CPXM2: variants seen among roughly 807,000 people sequenced by gnomAD.
CPXM2 encodes the protein inactive carboxypeptidase-like protein X2.
CPXM2 carries 66 observed loss-of-function variants against 86.1 expected under a neutral mutation model. The observed-to-expected ratio is 0.77, with a 90% CI of 0.63 to 0.94. CPXM2 has a LOEUF of 0.94. CPXM2 is among the 40% of genes least tolerant of loss of function. CPXM2 has a pLI of 0.00. For synonymous variants in CPXM2, 388 were observed against 400.2 expected, an observed-to-expected ratio of 0.97 and a Z score of 0.36; for missense variants, 948 against 1,026.3, an observed-to-expected ratio of 0.92 and a Z score of 1.04.
chr10:123,813,937 A>G (rs1847749803), intron 4 of CPXM2, among the ~76,000 whole-genome samples: 1 of 152,240 alleles, frequency 6.6e-6, no homozygotes, highest in Non-Finnish European at 1.5e-5. Context: ...CCTTGGCCAC[A>G]GTGGAATACC....
intron 7 of CPXM2, among the ~76,000 whole-genome samples, chr10:123,773,098 G>A (rs117472226): frequency 0.017 from 2,609 of 151,362 alleles, 38 homozygotes; most frequent in Non-Finnish European, 0.027. Context: ...CTCTCTGGTT[G>A]TGGTTCTTAT....
chr10:123,833,722 C>A (rs976349900), intron 4 of CPXM2, among the ~76,000 whole-genome samples: 51 of 152,232 alleles, frequency 3.4e-4, no homozygotes, highest in African/African-American at 1.2e-3. Context: ...CCGGTGGCAA[C>A]TGCCTCCCAG....
chr10:123,886,911 G>A (rs1364191872), intron 1 of CPXM2: 1 of 152,120 alleles, frequency 6.6e-6, no homozygotes, highest in African/African-American at 2.4e-5. Context: ...ATTTGAAGAT[G>A]GCATGGAAAG....
intron 6 of CPXM2, among the ~76,000 whole-genome samples, chr10:123,787,177 G>A (rs897001072): frequency 6.6e-6 from 1 of 152,156 alleles, no homozygotes; most frequent in African/African-American, 2.4e-5. Context: ...GCTGGGCTGT[G>A]AGCTATGCTG....
intron 2 of CPXM2, among the ~76,000 whole-genome samples, chr10:123,922,793 A>G (rs1275290001): frequency 1.3e-5 from 2 of 152,264 alleles, no homozygotes; most frequent in African/African-American, 4.8e-5. Flanking sequence ...GAAGAACTTC[A>G]TGTTGCAGCC....
At chr10:123,846,888 G>A (rs1195865156) in intron 3 of CPXM2, among the ~76,000 whole-genome samples, 2 of 152,136 alleles carry the variant, frequency 1.3e-5, no homozygotes, top group East Asian at 3.9e-4. Flanking sequence ...TGTTTTTTCA[G>A]ATCCAGACCT....
chr10:123,935,005 GTTC>G (rs1353420447), intron 2 of CPXM2, among the ~76,000 whole-genome samples: 1 of 152,182 alleles, frequency 6.6e-6, no homozygotes, highest in Non-Finnish European at 1.5e-5. Context: ...GTTCTTAGTT[GTTC>G]TTCTCGGCCA....
intron 3 of CPXM2, among the ~76,000 whole-genome samples, chr10:123,852,896 T>A (rs1222951207): frequency 6.6e-6 from 1 of 152,182 alleles, no homozygotes; most frequent in African/African-American, 2.4e-5. Flanking sequence ...CTTCTCTCCA[T>A]AGTACGTGCC....
intron 6 of CPXM2, among the ~76,000 whole-genome samples, chr10:123,787,993 A>G (rs1489958520): frequency 6.6e-6 from 1 of 151,974 alleles, no homozygotes; most frequent in African/African-American, 2.4e-5. Context: ...AGAAATGCAA[A>G]TACAGGCTGA....
chr10:123,919,322 A>T (rs972105607), intron 2 of CPXM2, among the ~76,000 whole-genome samples: 1 of 152,260 alleles, frequency 6.6e-6, no homozygotes, highest in African/African-American at 2.4e-5. Flanking sequence ...AACATTTATC[A>T]GAAGATTTTA....
chr10:123,767,151 C>A lies in CPXM2; in HGVS notation c.1301G>T (p.Gly434Val), dbSNP rs773304465. Residue 434 changes from glycine (G) to valine (V), a missense_variant and splice_region_variant, in exon 10 of 14, where the codon GGC becomes GTC. Coordinates refer to ENST00000241305, the MANE Select transcript of CPXM2 (RefSeq NM_198148.3). ...PDGYEKAYEG[G>V]SELGGWSLGR... is the part of the protein sequence containing the mutation. ...CAGGGACCAGCCTCCCAGCTCCGAGCCCTGGAGACAAGTGAGAGTGTGAAG... is the reference window on the plus strand; with the variant it reads ...CAGGGACCAGCCTCCCAGCTCCGAGACCTGGAGACAAGTGAGAGTGTGAAG... The A allele has an allele frequency of 2.5e-6, 4 of 1,613,848 alleles. No homozygotes were observed. The highest frequency in any genetic ancestry group is 1.7e-6 in the Non-Finnish European group (2 of 1,179,896).
At chr10:123,815,984 TA>T (rs1292894112) in intron 4 of CPXM2, among the ~76,000 whole-genome samples, 1 of 152,152 alleles carries the variant, frequency 6.6e-6, no homozygotes, top group Non-Finnish European at 1.5e-5. Context: ...AAAAAAGTTC[TA>T]ACAGTTTATT....
chr10:123,852,012 C>A (rs906753818), intron 3 of CPXM2, among the ~76,000 whole-genome samples: 3 of 152,148 alleles, frequency 2.0e-5, no homozygotes, highest in Non-Finnish European at 4.4e-5. Flanking sequence ...CTGAGGCCAC[C>A]AGACGCTGGA....
chr10:123,851,869 A>T (rs1205505394), intron 3 of CPXM2, among the ~76,000 whole-genome samples: 3 of 152,136 alleles, frequency 2.0e-5, no homozygotes, highest in Admixed American at 2.0e-4. Context: ...GTCTTTAAAC[A>T]AGGGGATATC....
At chr10:123,919,562 A>G (rs948076884) in intron 2 of CPXM2, among the ~76,000 whole-genome samples, 5 of 152,252 alleles carry the variant, frequency 3.3e-5, no homozygotes, top group African/African-American at 1.2e-4. Flanking sequence ...AAATAGAACC[A>G]GTAGGAAAGA....
At chr10:123,901,429 T>TTGTGTGTG (rs3069582) in intron 2 of CPXM2, among the ~76,000 whole-genome samples, 18,696 of 138,760 alleles carry the variant, frequency 0.13, 1,388 homozygotes, top group African/African-American at 0.18. Flanking sequence ...CCAAGCAAGT[T>TTGTGTGTG]TGTGTGTGTG....
intron 2 of CPXM2, among the ~76,000 whole-genome samples, chr10:123,873,937 G>A (rs1355072947): frequency 1.4e-5 from 2 of 143,332 alleles, no homozygotes; most frequent in African/African-American, 5.3e-5. Context: ...TTGGCTCACT[G>A]CAGCCTCCAC....
Position 123,862,726 on chromosome 10 carries a change from G to A in CPXM2, c.404-3C>T. On this transcript the variant is annotated splice_polypyrimidine_tract_variant and splice_region_variant and intron_variant, in intron 2 of 13. Coordinates refer to ENST00000241305, the MANE Select transcript of CPXM2 (RefSeq NM_198148.3). ...TTCCAGACCAAGAGGTGGGCAACCT[G>A]GAAAGGACAAATGCTTGTTAAAAAC... 6.6e-7 allele frequency: 1 copy of A among 1,506,532 alleles called. No homozygotes were observed. The highest frequency in any genetic ancestry group is 2.4e-5 in the East Asian group (1 of 41,522). The allele number at this position is 1,506,532 out of a possible 1,614,324, so 93.3% of individuals were successfully genotyped here. A position where few individuals can be genotyped will look rare whatever the true frequency, so the allele number is the denominator to read the frequency against.
At position 123,838,404 on chromosome 10, in the gene CPXM2, A is replaced by G. The variant is rs191793029; in HGVS notation, c.653+3945T>C. ...GGGAGGTGGAGGTTGCAGTGAGTCG[A>G]TATCACTCCTCTGCACTCCAGCCTG... On this transcript the variant is annotated intron_variant, in intron 4 of 13. Coordinates refer to ENST00000241305, the MANE Select transcript of CPXM2 (RefSeq NM_198148.3). Among the ~76,000 whole-genome samples, 6 of 152,260 alleles carry G rather than the reference A, an allele frequency of 3.9e-5. No homozygotes were observed. The East Asian group carries it at 7.7e-4, about 20-fold the overall frequency.
Sources: gnomAD v4.1 joint callset for allele counts (sites outside exome capture counted in the v4.1 genomes callset) on GRCh38, gnomAD v4.1.1 for gene constraint, MANE v1.5 for transcripts, NCBI Gene and HGNC (gene_info 2026-07-23, HGNC 2026-07-21) for gene names.